The following SLIT3 variants were observed in gnomAD, a reference collection of about 807,000 sequenced individuals.
SLIT3 encodes the protein slit homolog 3 protein.
In SLIT3, 68 loss-of-function variants were observed where a neutral mutation model predicts 184.0. That is an observed-to-expected ratio of 0.37 (90% confidence interval 0.30 to 0.45). The LOEUF is 0.45. SLIT3 is among the 20% of genes least tolerant of loss of function. The pLI is 1.00. For synonymous variants in SLIT3, 831 were observed against 828.6 expected, an observed-to-expected ratio of 1.00 and a Z score of -0.05; for missense variants, 1,707 against 2,026.0, an observed-to-expected ratio of 0.84 and a Z score of 3.02.
intron 4 of SLIT3, among the ~76,000 whole-genome samples, chr5:169,115,708 T>C (rs939191837): frequency 2.0e-5 from 3 of 152,204 alleles, no homozygotes; most frequent in African/African-American, 7.2e-5. Flanking sequence ...CCAGAATATC[T>C]AATTTAATCC....
intron 4 of SLIT3, among the ~76,000 whole-genome samples, chr5:168,899,531 A>G (rs1030974678): frequency 6.6e-6 from 1 of 152,160 alleles, no homozygotes; most frequent in African/African-American, 2.4e-5. Context: ...AAAGCCCACA[A>G]AAAGCAAAGA....
At chr5:168,669,746 CCCCACTTCCTCCCT>C in intron 35 of SLIT3, 23 bp downstream of exon 35, 1 of 1,564,754 alleles carries the variant, frequency 6.4e-7, no homozygotes, top group Non-Finnish European at 8.8e-7. Flanking sequence ...CAACTCTGAC[CCCCACTTCCTCCCT>C]CCCACAGGCA....
intron 4 of SLIT3, among the ~76,000 whole-genome samples, chr5:169,055,825 G>A (rs1757982170): frequency 6.8e-6 from 1 of 147,468 alleles, no homozygotes. Context: ...GTGAAACTCT[G>A]TCTCGGAGGA....
At chr5:168,992,613 G>C (rs1162185247) in intron 4 of SLIT3, among the ~76,000 whole-genome samples, 1 of 152,126 alleles carries the variant, frequency 6.6e-6, no homozygotes, top group East Asian at 1.9e-4. Context: ...AAAGTTCTCT[G>C]GTCAGGTTGG....
chr5:169,025,436 A>G (rs1423461479), intron 4 of SLIT3, among the ~76,000 whole-genome samples: 3 of 152,206 alleles, frequency 2.0e-5, no homozygotes, highest in South Asian at 2.1e-4. Flanking sequence ...GAAGAAGTAG[A>G]GAGGCTCAAA....
chr5:168,777,112 A>G (rs987170836), intron 12 of SLIT3, among the ~76,000 whole-genome samples: 8 of 145,756 alleles, frequency 5.5e-5, no homozygotes, highest in African/African-American at 2.1e-4. Context: ...CACACCCCCC[A>G]TACCACACCA....
chr5:168,788,271 T>G (rs866345993), intron 11 of SLIT3, among the ~76,000 whole-genome samples: 1 of 152,168 alleles, frequency 6.6e-6, no homozygotes, highest in Non-Finnish European at 1.5e-5. Context: ...ATCTTTGATA[T>G]CCCAGCCAGA....
intron 8 of SLIT3, among the ~76,000 whole-genome samples, chr5:168,814,696 A>G (rs1325057371): frequency 1.3e-5 from 2 of 152,260 alleles, no homozygotes; most frequent in Non-Finnish European, 2.9e-5. Context: ...CAATTTTTGA[A>G]AACGCATTAG....
intron 1 of SLIT3, among the ~76,000 whole-genome samples, chr5:169,296,314 G>A (rs1184759248): frequency 6.6e-6 from 1 of 152,210 alleles, no homozygotes; most frequent in East Asian, 1.9e-4. Context: ...AGTTCCCCCA[G>A]TGGACTATAA....
intron 26 of SLIT3, among the ~76,000 whole-genome samples, chr5:168,705,411 C>T (rs1282732693): frequency 6.6e-6 from 1 of 152,116 alleles, no homozygotes; most frequent in Non-Finnish European, 1.5e-5. Flanking sequence ...TAAATGCTGG[C>T]TCTTATGTTA....
intron 16 of SLIT3, 149 bp from the exon 17 acceptor site, chr5:168,754,156 C>T: frequency 2.6e-6 from 2 of 775,414 alleles, no homozygotes; most frequent in Admixed American, 2.9e-5. Flanking sequence ...TCTGGGGCTC[C>T]CTGAACTTTG....
chr5:169,082,628 T>C (rs993248395), intron 4 of SLIT3, among the ~76,000 whole-genome samples: 4 of 152,220 alleles, frequency 2.6e-5, no homozygotes, highest in Non-Finnish European at 4.4e-5. Flanking sequence ...TGTGGTAGAA[T>C]TGTAGGAATG....
At chr5:169,201,145 T>C (rs1341353238) in intron 3 of SLIT3, among the ~76,000 whole-genome samples, 10 of 152,236 alleles carry the variant, frequency 6.6e-5, no homozygotes, top group Admixed American at 6.5e-5. Flanking sequence ...TATTCAGTAT[T>C]TGATCAATGA....
intron 12 of SLIT3, among the ~76,000 whole-genome samples, chr5:168,785,117 G>A (rs1214154286): frequency 6.7e-6 from 1 of 149,116 alleles, no homozygotes; most frequent in Non-Finnish European, 1.5e-5. Context: ...AATGGTGACA[G>A]AGCAAATGTG....
At chr5:169,223,535 T>C (rs1225945439) in intron 3 of SLIT3, among the ~76,000 whole-genome samples, 1 of 152,156 alleles carries the variant, frequency 6.6e-6, no homozygotes, top group Non-Finnish European at 1.5e-5. Context: ...CCTGATGGGA[T>C]TTAGCTCTGT....
At chr5:168,952,520 G>GA (rs1377919598) in intron 4 of SLIT3, among the ~76,000 whole-genome samples, 1 of 46,858 alleles carries the variant, frequency 2.1e-5, no homozygotes, top group Non-Finnish European at 3.4e-5. Context: ...GAGAAGAAGG[G>GA]AAAATGCCAA....
chr5:168,668,262 GC>G (rs1453188918), intron 35 of SLIT3, among the ~76,000 whole-genome samples: 2 of 152,136 alleles, frequency 1.3e-5, no homozygotes, highest in Non-Finnish European at 2.9e-5. Flanking sequence ...GTGGAGCAAT[GC>G]CATCAGCTTG....
At chr5:169,092,264 AT>A (rs1561659758) in intron 4 of SLIT3, among the ~76,000 whole-genome samples, 1 of 152,162 alleles carries the variant, frequency 6.6e-6, no homozygotes, top group Non-Finnish European at 1.5e-5. Context: ...GTCAAATCAG[AT>A]TCATATTGAC....
chr5:169,026,802 A>G (rs1756843693), intron 4 of SLIT3, among the ~76,000 whole-genome samples: 1 of 152,024 alleles, frequency 6.6e-6, no homozygotes, highest in South Asian at 2.1e-4. Context: ...TCAGAAAAAA[A>G]AAACCCACCC....
Sources: gnomAD v4.1 joint callset for allele counts (sites outside exome capture counted in the v4.1 genomes callset) on GRCh38, gnomAD v4.1.1 for gene constraint, MANE v1.5 for transcripts, NCBI Gene and HGNC (gene_info 2026-07-23, HGNC 2026-07-21) for gene names.